FAM118B: variants seen among roughly 807,000 people sequenced by gnomAD.
FAM118B encodes the protein SIR2 antiphage like 1.
A neutral mutation model predicts 38.5 loss-of-function variants in FAM118B; 24 were observed. That is an observed-to-expected ratio of 0.62 (90% CI 0.45 to 0.88). The LOEUF (loss-of-function observed/expected upper bound fraction) is 0.88. Among genes scored for constraint, FAM118B ranks in the 40% least tolerant of loss-of-function variants. The probability of loss-of-function intolerance (pLI) is 0.00; values close to 1 mark genes in which losing one functional copy is unlikely to be tolerated. For synonymous variants in FAM118B, 138 were observed against 156.3 expected (o/e 0.88, Z 0.87); for missense variants, 334 against 420.0 (o/e 0.80, Z 1.79).
In FAM118B at chr11:126,235,031, T is replaced by A. The variant is rs1950254812; in HGVS notation, c.30T>A (p.Asp10Glu). 1.2e-6 allele frequency: 2 copies of A among 1,614,146 alleles called. No individual in the cohort carries two copies. The highest frequency in any genetic ancestry group is 4.5e-5 in the East Asian group (2 of 44,874). Residue 10 changes from aspartate (D) to glutamate (E), a missense_variant, in exon 3 of 9, where the codon GAT (aspartate) becomes GAA (glutamate). Around this residue, in one of 3 missense-constraint regions of FAM118B, gnomAD observed 240 missense variants for 295.9 expected, o/e 0.81. Transcript: ENST00000533050. MASTGSQASDIDEIFGFFND... is the reference protein window; with the variant it reads MASTGSQASEIDEIFGFFND... Reference sequence around the variant, plus strand: ...CTTCTACAGGGAGCCAGGCCTCTGATATAGACGAGATTTTTGGATTCTTCA... The same window carrying A: ...CTTCTACAGGGAGCCAGGCCTCTGAAATAGACGAGATTTTTGGATTCTTCA...
chr11:126,261,586 C>A (rs1371727923), intron 8 of FAM118B, 102 bp downstream of exon 8: 4 of 907,698 alleles, frequency 4.4e-6, no homozygotes, highest in South Asian at 1.5e-5. Flanking sequence ...CTCACATTGC[C>A]AAATTTTAAA....
intron 7 of FAM118B, among the ~76,000 whole-genome samples, chr11:126,257,604 CA>C (rs924195822): frequency 3.8e-5 from 4 of 105,896 alleles, no homozygotes; most frequent in African/African-American, 6.2e-5. Context: ...TAGAATTGTA[CA>C]TTTTTTTTTT....
At chr11:126,228,612 G>C (rs950138100) in intron 1 of FAM118B, among the ~76,000 whole-genome samples, 20 of 152,148 alleles carry the variant, frequency 1.3e-4, no homozygotes, top group Non-Finnish European at 2.4e-4. Flanking sequence ...CCAGGCTGGA[G>C]TGCAGTGGCA....
intron 7 of FAM118B, among the ~76,000 whole-genome samples, chr11:126,259,161 C>A (rs909033442): frequency 1.3e-5 from 2 of 152,196 alleles, no homozygotes; most frequent in African/African-American, 2.4e-5. Flanking sequence ...TCAACCTTAT[C>A]TTTCACCCTT....
rs543749306 is a variant in FAM118B at position 126,244,817 on chromosome 11, A to G, written c.339+3773A>G. Reference sequence around the variant, plus strand: ...AAACTCCATCTCAAAAAATAAATAAATAAGTGGAGAACTTATGCTTTGAAA... The same window carrying G: ...AAACTCCATCTCAAAAAATAAATAAGTAAGTGGAGAACTTATGCTTTGAAA... On this transcript the variant is annotated intron_variant, in intron 4 of 8. Transcript: ENST00000533050. The surrounding 1 kb of genome is among the most constrained non-coding windows in gnomAD (Gnocchi z 4.5). Among the ~76,000 whole-genome samples the G allele has an allele frequency of 3.4e-4, 52 of 152,242 alleles. No homozygotes were observed. The highest frequency in any genetic ancestry group is 1.2e-3 in the African/African-American group (48 of 41,540).
chr11:126,214,505 T>TG (rs1949949847), intron 1 of FAM118B: 1 of 50,152 alleles, frequency 2.0e-5, no homozygotes, highest in African/African-American at 5.9e-5. Context: ...TTTTTTTTGT[T>TG]TTTTTTTTGT....
At chr11:126,241,263 AGAGAAAT>A in intron 4 of FAM118B, 1 of 443,052 alleles carries the variant, frequency 2.3e-6, no homozygotes, top group East Asian at 3.2e-5. Context: ...TGTCTATGAG[AGAGAAAT>A]GATGTTGAGG....
At chr11:126,212,174 G>C (rs1410635539) in intron 1 of FAM118B, among the ~76,000 whole-genome samples, 1 of 152,148 alleles carries the variant, frequency 6.6e-6, no homozygotes, top group African/African-American at 2.4e-5. Context: ...CCAACTCCCA[G>C]CCTCTTTGTT....
rs1202536377 is a variant in FAM118B at position 126,262,506 on chromosome 11, TG to T, written c.*374del. On this transcript the variant is annotated 3_prime_UTR_variant, in exon 9 of 9. Coordinates refer to ENST00000533050, the MANE Select transcript of FAM118B (RefSeq NM_024556.4). ...GCCATGGAATCACTGTGGCTCTTGT[TG>T]CAGTTTTGTACTCTATACTTGGTTT... 3.6e-6 allele frequency: 1 copy of T among 280,042 alleles called. No individual in the cohort carries two copies. The highest frequency in any genetic ancestry group is 6.7e-6 in the Non-Finnish European group (1 of 149,564). The allele number at this position is 280,042 out of a possible 1,614,324, so 17.3% of individuals were successfully genotyped here.
chr11:126,221,513 A>G (rs182181471), intron 1 of FAM118B, among the ~76,000 whole-genome samples: 1 of 152,202 alleles, frequency 6.6e-6, no homozygotes, highest in East Asian at 1.9e-4. Flanking sequence ...TTTGGTTTTT[A>G]AGTTTGAAGT....
rs992041329 is a variant in FAM118B at position 126,262,300 on chromosome 11, A to G, written c.*167A>G. On this transcript the variant is annotated 3_prime_UTR_variant, in exon 9 of 9. Transcript: ENST00000533050. ...GGGGAATGTTGCAGCGTAATCCTTCATACCACCTGGTTCTTGATATTCTGC... is the reference window on the plus strand; with the variant it reads ...GGGGAATGTTGCAGCGTAATCCTTCGTACCACCTGGTTCTTGATATTCTGC... The G allele has an allele frequency of 1.5e-6, 1 of 674,742 alleles. No homozygotes were observed. The highest frequency in any genetic ancestry group is 1.8e-5 in the South Asian group (1 of 55,298). The allele number at this position is 674,742 out of a possible 1,614,324, so 41.8% of individuals were successfully genotyped here.
At position 126,240,990 on chromosome 11, in the gene FAM118B, T is replaced by A; in HGVS notation, c.285T>A (p.His95Gln). Residue 95 changes from histidine (H) to glutamine (Q), a missense_variant, in exon 4 of 9, where the codon CAT becomes CAA. Physicochemically the swap from His to Gln is conservative, Grantham distance 24. Around this residue, in one of 3 missense-constraint regions of FAM118B, gnomAD observed 240 missense variants for 295.9 expected, o/e 0.81. Transcript: ENST00000533050. ...GCAAAAAGTTTCAGAAATGTCTCCA[T>A]GAAGACAAGAACCTGGTCCATGTTG... ...EESKKFQKCLHEDKNLVHVAH... is the reference protein window; with the variant it reads ...EESKKFQKCLQEDKNLVHVAH... The A allele has an allele frequency of 6.2e-7, 1 of 1,613,952 alleles. No individual in the cohort carries two copies. The highest frequency in any genetic ancestry group is 8.5e-7 in the Non-Finnish European group (1 of 1,179,962).
At chr11:126,262,026 T>C in intron 8 of FAM118B, 94 bp from the exon 9 acceptor site, 1 of 1,213,920 alleles carries the variant, frequency 8.2e-7, no homozygotes, top group South Asian at 1.3e-5. Context: ...TCTTGCCTTC[T>C]GAAGGGTTAG....
Position 126,262,162 on chromosome 11 carries a change from A to C in FAM118B, c.*29A>C. ...AGCTAGAGAAATCACCACCGTTTAGACCAAGCTGTAAGGCCCTACTACAGA... is the reference window on the plus strand; with the variant it reads ...AGCTAGAGAAATCACCACCGTTTAGCCCAAGCTGTAAGGCCCTACTACAGA... On this transcript the variant is annotated 3_prime_UTR_variant, in exon 9 of 9. Transcript: ENST00000533050. The C allele has an allele frequency of 6.2e-7, 1 of 1,612,892 alleles. No homozygotes were observed. Among genetic ancestry groups the C allele is most frequent in the Non-Finnish European group, 8.5e-7 (1 of 1,178,910 alleles).
chr11:126,242,040 A>T (rs1477683577), intron 4 of FAM118B, among the ~76,000 whole-genome samples: 1 of 151,852 alleles, frequency 6.6e-6, no homozygotes, highest in Admixed American at 6.6e-5. Flanking sequence ...AAAAAAAAAA[A>T]AAAGGAATTA....
chr11:126,225,606 A>G (rs558534284), intron 1 of FAM118B, among the ~76,000 whole-genome samples: 8 of 152,312 alleles, frequency 5.3e-5, no homozygotes, highest in African/African-American at 1.9e-4. Context: ...TAAGCTTCAG[A>G]TTGATTCCCA....
chr11:126,217,596 A>C (rs1321750720), intron 1 of FAM118B, among the ~76,000 whole-genome samples: 1 of 152,074 alleles, frequency 6.6e-6, no homozygotes, highest in Non-Finnish European at 1.5e-5. Flanking sequence ...TGTGAGCTCA[A>C]ATGTATCACC....
In FAM118B at chr11:126,250,736, A is replaced by G; in HGVS notation, c.567+3A>G. On this transcript the variant is annotated splice_donor_region_variant and intron_variant, in intron 5 of 8. Coordinates refer to ENST00000533050, the MANE Select transcript of FAM118B (RefSeq NM_024556.4). This position sits in a 1 kb window ranked among gnomAD's most constrained non-coding sequence, Gnocchi z 5.1. ...TTGACCTTACTGATGAGAAAAAGGT[A>G]AAAAGTAAAGCATTGGTCCCTTCTT... The G allele has an allele frequency of 6.2e-7, 1 of 1,603,104 alleles. No individual in the cohort carries two copies. Among genetic ancestry groups the G allele is most frequent in the Admixed American group, 1.7e-5 (1 of 59,794 alleles).
chr11:126,259,405 T>C (rs1311208842), intron 7 of FAM118B, among the ~76,000 whole-genome samples: 1 of 150,564 alleles, frequency 6.6e-6, no homozygotes, highest in Non-Finnish European at 1.5e-5. Context: ...TCCATTACCA[T>C]ACAAGCAGTC....
Sources: allele counts gnomAD v4.1 joint callset (sites outside exome capture counted in the v4.1 genomes callset), GRCh38; gene constraint gnomAD v4.1.1; regional missense constraint gnomAD v4.1.1; non-coding constraint Gnocchi (gnomAD v3.1); transcripts MANE v1.5; gene names NCBI Gene and HGNC (gene_info 2026-07-23, HGNC 2026-07-21).